The following GRID2 variants were observed in gnomAD, a reference collection of about 807,000 sequenced individuals.
GRID2 encodes the protein glutamate ionotropic receptor delta type subunit 2.
In GRID2, 33 loss-of-function variants were observed where a neutral mutation model predicts 114.8. The ratio of observed to expected loss-of-function variants is 0.29; its 90% CI spans 0.22 to 0.38. The LOEUF is 0.38. GRID2 is among the 10% of genes least tolerant of loss of function. GRID2 has a pLI of 1.00. For synonymous variants in GRID2, 505 were observed against 449.9 expected (o/e 1.12, Z -1.55); for missense variants, 1,184 against 1,257.7 (o/e 0.94, Z 0.89).
chr4:92,404,989 T>C (rs1392191582), intron 1 of GRID2, among the ~76,000 whole-genome samples: 1 of 152,166 alleles, frequency 6.6e-6, no homozygotes, highest in Non-Finnish European at 1.5e-5. Context: ...CACTTGCCTA[T>C]GTAACAAAGC....
At chr4:92,915,083 C>G (rs560170246) in intron 2 of GRID2, among the ~76,000 whole-genome samples, 11 of 152,186 alleles carry the variant, frequency 7.2e-5, no homozygotes, top group African/African-American at 2.6e-4. Context: ...GGCACCTCTT[C>G]GCAAGGTGGC....
intron 3 of GRID2, among the ~76,000 whole-genome samples, chr4:93,103,816 G>A (rs1731926028): frequency 1.3e-5 from 2 of 150,278 alleles, no homozygotes; most frequent in Admixed American, 6.7e-5. Flanking sequence ...CTCTTAAGAA[G>A]CATCAAGTGA....
intron 14 of GRID2, among the ~76,000 whole-genome samples, chr4:93,682,577 T>C (rs1487013673): frequency 2.0e-5 from 3 of 152,208 alleles, no homozygotes; most frequent in African/African-American, 2.4e-5. Flanking sequence ...GTGGGACATA[T>C]ACACCATGGA....
intron 8 of GRID2, among the ~76,000 whole-genome samples, chr4:93,357,227 C>T (rs1038216801): frequency 9.9e-5 from 14 of 141,712 alleles, no homozygotes; most frequent in African/African-American, 3.9e-4. Flanking sequence ...TAATTTTTAC[C>T]AAACTGACAG....
At chr4:93,768,177 T>C (rs1733824584) in intron 14 of GRID2, among the ~76,000 whole-genome samples, 1 of 152,176 alleles carries the variant, frequency 6.6e-6, no homozygotes, top group East Asian at 1.9e-4. Context: ...GGCTGTAAGA[T>C]CTTCTGCCAG....
intron 1 of GRID2, among the ~76,000 whole-genome samples, chr4:92,378,156 A>T (rs1001022923): frequency 3.9e-5 from 6 of 152,068 alleles, no homozygotes; most frequent in Non-Finnish European, 7.4e-5. Flanking sequence ...GACTTTTCCA[A>T]GGTAAAGTAC....
At chr4:92,901,898 G>T (rs989210012) in intron 2 of GRID2, among the ~76,000 whole-genome samples, 2 of 151,734 alleles carry the variant, frequency 1.3e-5, no homozygotes, top group Non-Finnish European at 2.9e-5. Flanking sequence ...GTGCTGGAGA[G>T]GATTCTTTAC....
chr4:93,151,569 C>T (rs1029973286), intron 4 of GRID2, among the ~76,000 whole-genome samples: 11 of 151,794 alleles, frequency 7.2e-5, no homozygotes, highest in Non-Finnish European at 1.6e-4. Context: ...AGCAAAATAT[C>T]CAAAATATTA....
intron 13 of GRID2, among the ~76,000 whole-genome samples, chr4:93,606,258 GTC>G (rs1740227018): frequency 6.6e-6 from 1 of 151,952 alleles, no homozygotes; most frequent in South Asian, 2.1e-4. Context: ...CAAAGAGAGA[GTC>G]TGACTCAAAA....
chr4:93,041,017 G>A (rs1183746921), intron 2 of GRID2, among the ~76,000 whole-genome samples: 1 of 152,188 alleles, frequency 6.6e-6, no homozygotes, highest in South Asian at 2.1e-4. Flanking sequence ...GAATGGTAGC[G>A]ATTGTAAAAT....
chr4:92,308,093 A>G (rs1725505835), intron 1 of GRID2, among the ~76,000 whole-genome samples: 1 of 152,158 alleles, frequency 6.6e-6, no homozygotes, highest in Non-Finnish European at 1.5e-5. Flanking sequence ...AGCCACGCTG[A>G]CTGCTATTTT....
intron 8 of GRID2, among the ~76,000 whole-genome samples, chr4:93,253,004 C>T (rs1749147319): frequency 6.6e-6 from 1 of 151,732 alleles, no homozygotes; most frequent in East Asian, 1.9e-4. Context: ...AATCCCAGCA[C>T]TTTGGGAGGC....
At chr4:92,762,281 TAAATATATTA>T (rs1174419158) in intron 2 of GRID2, among the ~76,000 whole-genome samples, 16 of 152,122 alleles carry the variant, frequency 1.1e-4, no homozygotes, top group Non-Finnish European at 1.8e-4. Flanking sequence ...TCTTACTGAT[TAAATATATTA>T]AAATATATTA....
intron 4 of GRID2, among the ~76,000 whole-genome samples, chr4:93,171,197 G>A (rs1012443289): frequency 4.6e-5 from 7 of 152,004 alleles, no homozygotes; most frequent in African/African-American, 1.7e-4. Context: ...TTAACATTTT[G>A]TTCTTTATGT....
chr4:92,390,583 A>G lies in GRID2; in HGVS notation c.88+85839A>G, dbSNP rs758440008. On this transcript the variant is annotated intron_variant, in intron 1 of 15. Transcript: ENST00000282020. Reference sequence around the variant, plus strand: ...CATTTAAATAAGTTTGAATCTATTTATTTTGAGTAGGAAAGTTTTCTGGTA... The same window carrying G: ...CATTTAAATAAGTTTGAATCTATTTGTTTTGAGTAGGAAAGTTTTCTGGTA... 1.9e-4 allele frequency among the ~76,000 whole-genome samples: 29 copies of G among 152,278 alleles called. No homozygotes were observed. The Middle Eastern group carries it at 0.02, about 107-fold the overall frequency.
intron 2 of GRID2, among the ~76,000 whole-genome samples, chr4:92,851,345 C>A (rs1193745128): frequency 6.6e-6 from 1 of 151,910 alleles, no homozygotes; most frequent in East Asian, 1.9e-4. Context: ...ACCAGAAAAA[C>A]ATTTCTATTA....
intron 2 of GRID2, among the ~76,000 whole-genome samples, chr4:93,047,879 C>CAAA (rs772844863): frequency 7.0e-6 from 1 of 143,556 alleles, no homozygotes; most frequent in African/African-American, 2.6e-5. Context: ...AACAAACAAA[C>CAAA]AAACAAAAAA....
intron 2 of GRID2, among the ~76,000 whole-genome samples, chr4:92,640,530 A>G (rs1731292556): frequency 6.6e-6 from 1 of 151,894 alleles, no homozygotes; most frequent in South Asian, 2.1e-4. Flanking sequence ...AAAGCCCAGG[A>G]TATGACTAAA....
At chr4:92,732,797 C>G (rs2149325580) in intron 2 of GRID2, among the ~76,000 whole-genome samples, 1 of 152,162 alleles carries the variant, frequency 6.6e-6, no homozygotes, top group Non-Finnish European at 1.5e-5. Flanking sequence ...GTATGCTTGT[C>G]TTTCCCAAAA....
Sources: gnomAD v4.1 joint callset for allele counts (sites outside exome capture counted in the v4.1 genomes callset) on GRCh38, gnomAD v4.1.1 for gene constraint, MANE v1.5 for transcripts, NCBI Gene and HGNC (gene_info 2026-07-23, HGNC 2026-07-21) for gene names.